Variants in RTKN2 observed in about 807,000 individuals in gnomAD.
RTKN2 encodes the protein rhotekin 2.
A neutral mutation model predicts 71.5 loss-of-function variants in RTKN2; 69 were observed. The observed-to-expected ratio is 0.96, with a 90% confidence interval of 0.79 to 1.18. RTKN2 has a LOEUF of 1.18. RTKN2 is among the 50% of genes most tolerant of loss of function. The pLI, the probability that RTKN2 is intolerant of heterozygous loss-of-function variation, is 0.00. For synonymous variants in RTKN2, 236 were observed against 236.5 expected, an observed-to-expected ratio of 1.00 and a Z score of 0.02; for missense variants, 724 against 719.7, an observed-to-expected ratio of 1.01 and a Z score of -0.07.
rs1841344082 is a variant in RTKN2 at position 62,196,972 on chromosome 10, C to A, written c.*936G>T. On this transcript the variant is annotated 3_prime_UTR_variant, in exon 12 of 12. Coordinates refer to ENST00000373789, the MANE Select transcript of RTKN2 (RefSeq NM_145307.4). ...AGAATATGACATTTAATGAAAAATACCACTAGCAGACATCAACTCTTACTA... is the reference window on the plus strand; with the variant it reads ...AGAATATGACATTTAATGAAAAATAACACTAGCAGACATCAACTCTTACTA... 1 of 971,946 alleles carries A rather than the reference C, an allele frequency of 1.0e-6. No homozygotes were observed. The highest frequency in any genetic ancestry group is 1.8e-5 in the African/African-American group (1 of 56,762). 60.2% of individuals were successfully genotyped at this position (971,946 alleles called of 1,614,324 possible).
intron 5 of RTKN2, chr10:62,238,892 AT>A (rs1842313372): frequency 6.6e-6 from 1 of 152,094 alleles, no homozygotes; most frequent in African/African-American, 2.4e-5. Context: ...GTTAGTAGCT[AT>A]TAACATTTAG....
At chr10:62,192,048 T>C (rs1051467845), downstream of RTKN2, among the ~76,000 whole-genome samples, 2 of 96,524 alleles carry the variant, frequency 2.1e-5, no homozygotes, top group Admixed American at 9.1e-5. Context: ...TATTATAAGG[T>C]TTTTTTTTAT....
In RTKN2 at chr10:62,228,741, C is replaced by A. The variant is rs117227455; in HGVS notation, c.687-5409G>T. Among the ~76,000 whole-genome samples, 1,339 of 152,060 alleles carry A rather than the reference C, an allele frequency of 8.8e-3. 6 individuals carry two copies. Among genetic ancestry groups the A allele is most frequent in the Non-Finnish European group, 0.014 (973 of 67,992 alleles). ...GGGCTCTAGCGCACAAGTAGACAGG[C>A]CTTAGATGAGGTGAAGGTAGTTCAC... On this transcript the variant is annotated intron_variant, in intron 6 of 11. Coordinates refer to ENST00000373789, the MANE Select transcript of RTKN2 (RefSeq NM_145307.4).
chr10:62,223,333 C>T lies in RTKN2; in HGVS notation c.687-1G>A, dbSNP rs1339342181. 6.4e-7 allele frequency: 1 copy of T among 1,553,520 alleles called. No homozygotes were observed. The highest frequency in any genetic ancestry group is 8.9e-7 in the Non-Finnish European group (1 of 1,126,054). On this transcript the variant is annotated splice_acceptor_variant, in intron 6 of 11. Coordinates refer to ENST00000373789, the MANE Select transcript of RTKN2 (RefSeq NM_145307.4). LOFTEE classifies it high-confidence loss of function. ...AGCTAGCAAATTATACTTTACACCA[C>T]TAATAGTAAGAAAGAAGACATGTTT...
rs1213693302 is a variant in RTKN2, at chr10:62,223,283, C to T, written c.736G>A (p.Ala246Thr). 1 of 1,610,968 alleles carries T rather than the reference C, an allele frequency of 6.2e-7. No individual in the cohort carries two copies. The highest frequency in any genetic ancestry group is 1.3e-5 in the African/African-American group (1 of 74,854). Residue 246 changes from alanine (A) to threonine (T), a missense_variant, in exon 7 of 12, where the codon GCT becomes ACT. Transcript: ENST00000373789. ...LAHTTLTLES[A>T]EDSFKTHNLS... ...TTATGGGTCTTGAAACTATCCTCAGCACTTTCCAAGGTTAGGGTAGTGTGA... is the reference window on the plus strand; with the variant it reads ...TTATGGGTCTTGAAACTATCCTCAGTACTTTCCAAGGTTAGGGTAGTGTGA...
rs746251685 is a variant in RTKN2 at position 62,223,211 on chromosome 10, A to G, written c.781+27T>C. On this transcript the variant is annotated intron_variant, in intron 7 of 11. Transcript: ENST00000373789. ...TTAGAAATATAGACAGAATATATGT[A>G]ATAAGTAAAATATATACTGTACTTA... is the stretch of plus-strand genomic sequence containing the variant. 3.9e-6 allele frequency: 5 copies of G among 1,272,874 alleles called. No individual in the cohort carries two copies. In the Admixed American group the frequency reaches 7.0e-5, roughly 18 times the overall value. 78.8% of individuals were successfully genotyped at this position (1,272,874 alleles called of 1,614,324 possible). A position where few individuals can be genotyped will look rare whatever the true frequency, so the allele number is the denominator to read the frequency against.
chr10:62,259,959 T>A lies in RTKN2; in HGVS notation c.257+2666A>T, dbSNP rs1344788730. ...CAAACCCAATTGTTCTATTAGATAT[T>A]CGTCAATTCCACCATTTCACACTTA... On this transcript the variant is annotated intron_variant, in intron 2 of 11. Transcript: ENST00000373789. 5.3e-5 allele frequency among the ~76,000 whole-genome samples: 8 copies of A among 152,356 alleles called. No homozygotes were observed. The East Asian group carries it at 1.5e-3, about 29-fold the overall frequency.
At chr10:62,203,992 C>A (rs1005249741) in intron 10 of RTKN2, among the ~76,000 whole-genome samples, 5 of 152,172 alleles carry the variant, frequency 3.3e-5, no homozygotes, top group African/African-American at 9.7e-5. Flanking sequence ...CCTCATAGTG[C>A]TCCAGAAAAC....
At chr10:62,244,679 C>T (rs777550134) in intron 3 of RTKN2, among the ~76,000 whole-genome samples, 13 of 151,976 alleles carry the variant, frequency 8.6e-5, no homozygotes, top group Non-Finnish European at 1.8e-4. Context: ...AACAATACCA[C>T]ATAAAAATAC....
rs1463182329 is a variant in RTKN2 at position 62,268,456 on chromosome 10, G to A, written c.60+95C>T. On this transcript the variant is annotated intron_variant, in intron 1 of 11. Transcript: ENST00000373789. ...GCCACCGCTGAAATAGAGGAGCGGG[G>A]GAGAGGCTTTCCCGACTCCTCCACA... The A allele has an allele frequency of 9.4e-6, 11 of 1,164,282 alleles. No individual in the cohort carries two copies. In the Admixed American group the frequency reaches 2.0e-4, roughly 21 times the overall value. 72.1% of individuals were successfully genotyped at this position (1,164,282 alleles called of 1,614,324 possible).
At chr10:62,188,174 G>A (rs116656994), downstream of RTKN2, among the ~76,000 whole-genome samples, 1,045 of 152,290 alleles carry the variant, frequency 6.9e-3, 13 homozygotes, top group African/African-American at 0.023. Flanking sequence ...TTAGCCATGC[G>A]TTTCTGGCTT....
intron 6 of RTKN2, among the ~76,000 whole-genome samples, chr10:62,233,561 T>C (rs1842194882): frequency 1.3e-5 from 2 of 151,978 alleles, no homozygotes; most frequent in African/African-American, 4.8e-5. Context: ...AATTTAATGA[T>C]TTACAAACAG....
intron 9 of RTKN2, among the ~76,000 whole-genome samples, chr10:62,211,810 G>A (rs1476269740): frequency 1.3e-5 from 2 of 151,976 alleles, no homozygotes; most frequent in Non-Finnish European, 2.9e-5. Context: ...GACTACAGGC[G>A]TGTGCCCCCA....
chr10:62,268,518 AC>A (rs1220200758), intron 1 of RTKN2, 32 bp downstream of exon 1: 1 of 1,546,790 alleles, frequency 6.5e-7, no homozygotes, highest in African/African-American at 1.4e-5. Context: ...CGGCTCCCTC[AC>A]CTTCCGCGGC....
At chr10:62,214,641 C>T (rs1841729800) in intron 9 of RTKN2, among the ~76,000 whole-genome samples, 1 of 152,120 alleles carries the variant, frequency 6.6e-6, no homozygotes, top group Admixed American at 6.5e-5. Context: ...TACAATAACA[C>T]AGTTTTATTA....
chr10:62,206,208 A>G (rs1554808655), intron 9 of RTKN2, among the ~76,000 whole-genome samples: 1 of 152,136 alleles, frequency 6.6e-6, no homozygotes, highest in Non-Finnish European at 1.5e-5. Flanking sequence ...TGCACTGTAC[A>G]TAGTGGTTCA....
chr10:62,195,601 G>GGGAAGGAA lies in RTKN2; in HGVS notation c.*2306_*2307insTTCCTTCC, dbSNP rs1354066328. The GGGAAGGAA allele has an allele frequency of 7.7e-6, 4 of 522,762 alleles. No individual in the cohort carries two copies. Among genetic ancestry groups the GGGAAGGAA allele is most frequent in the Non-Finnish European group, 9.4e-6 (4 of 426,834 alleles). 32.4% of individuals were successfully genotyped at this position (522,762 alleles called of 1,614,324 possible). On this transcript the variant is annotated 3_prime_UTR_variant, in exon 12 of 12. Transcript: ENST00000373789. ...AAGGAGGGAAGGAGAGACGGACAGA[G>GGGAAGGAA]GGAATGAAGGAAGGAAGGAAGGAAG...
At chr10:62,224,587 G>GAA (rs935632800) in intron 6 of RTKN2, among the ~76,000 whole-genome samples, 2 of 150,318 alleles carry the variant, frequency 1.3e-5, no homozygotes, top group African/African-American at 4.9e-5. Context: ...CAGGCAGAAT[G>GAA]AAAAAAAAAG....
chr10:62,197,168 T>C lies in RTKN2; in HGVS notation c.*740A>G. 1 of 985,610 alleles carries C rather than the reference T, an allele frequency of 1.0e-6. No individual in the cohort carries two copies. Among genetic ancestry groups the C allele is most frequent in the South Asian group, 4.7e-5 (1 of 21,286 alleles). The allele number at this position is 985,610 out of a possible 1,614,324, so 61.1% of individuals were successfully genotyped here. A position where few individuals can be genotyped will look rare whatever the true frequency, so the allele number is the denominator to read the frequency against. On this transcript the variant is annotated 3_prime_UTR_variant, in exon 12 of 12. Transcript: ENST00000373789. ...CTAAATTCCAAAGTCACAATGGAAA[T>C]TAGCACCACACACAGAAAATTGAAT...
Sources: allele counts gnomAD v4.1 joint callset (sites outside exome capture counted in the v4.1 genomes callset), GRCh38; gene constraint gnomAD v4.1.1; transcripts MANE v1.5; gene names NCBI Gene and HGNC (gene_info 2026-07-23, HGNC 2026-07-21).